Variants in DMD observed in about 807,000 individuals in gnomAD.
DMD encodes the protein dystrophin.
DMD carries 63 observed loss-of-function variants against 330.1 expected under a neutral mutation model. That is an observed-to-expected ratio of 0.19 (90% CI 0.16 to 0.24). The LOEUF (loss-of-function observed/expected upper bound fraction) is 0.24. DMD is among the 10% of genes least tolerant of loss of function. The pLI is 1.00. For missense variants in DMD, 3,344 were observed against 2,684.1 expected (o/e 1.25, Z -5.43); for synonymous variants, 1,223 against 959.8 (o/e 1.27, Z -5.07).
intron 55 of DMD, among the ~76,000 whole-genome samples, chrX:31,618,044 A>C (rs969502920): frequency 9.0e-6 from 1 of 111,031 alleles, no homozygotes; most frequent in African/African-American, 3.3e-5. Context: ...AACACAAAGA[A>C]GGGAACAACA....
intron 18 of DMD, among the ~76,000 whole-genome samples, chrX:32,503,218 A>G (rs1435731): frequency 0.47 from 50,937 of 109,211 alleles, 9,149 homozygotes; most frequent in East Asian, 0.72. Context: ...CTCCATCTCT[A>G]AACAAACAAT....
chrX:31,946,059 G>A (rs1448062447), intron 45 of DMD, among the ~76,000 whole-genome samples: 3 of 111,670 alleles, frequency 2.7e-5, no homozygotes, highest in Admixed American at 9.5e-5. Flanking sequence ...AATATCTATC[G>A]GTCTTTTGAA....
intron 7 of DMD, among the ~76,000 whole-genome samples, chrX:32,774,282 G>C (rs1014263039): frequency 1.8e-5 from 2 of 112,015 alleles, no homozygotes; most frequent in East Asian, 5.6e-4. Context: ...CGGAGGGAAA[G>C]AAACAATTCG....
At chrX:31,679,802 T>A (rs1215742465) in intron 52 of DMD, among the ~76,000 whole-genome samples, 6 of 112,077 alleles carry the variant, frequency 5.4e-5, no homozygotes, top group African/African-American at 1.9e-4. Flanking sequence ...ACATAGAACA[T>A]CAACATATAT....
At chrX:32,465,941 G>A (rs1006437177) in intron 23 of DMD, among the ~76,000 whole-genome samples, 3 of 110,668 alleles carry the variant, frequency 2.7e-5, no homozygotes, top group Admixed American at 9.6e-5. Context: ...TATCTGCCTC[G>A]GTCTCACCTC....
intron 44 of DMD, among the ~76,000 whole-genome samples, chrX:31,998,471 G>A (rs2095604345): frequency 8.9e-6 from 1 of 111,951 alleles, no homozygotes; most frequent in African/African-American, 3.2e-5. Context: ...ATTATCTCAA[G>A]AAAAGCATTA....
At chrX:32,776,325 C>A (rs1204171346) in intron 7 of DMD, among the ~76,000 whole-genome samples, 1 of 108,352 alleles carries the variant, frequency 9.2e-6, no homozygotes, top group Admixed American at 1.0e-4. Flanking sequence ...TTACCCAGTT[C>A]CAAAGTCACT....
chrX:33,318,902 A>G (rs1388233096), intron 1 of DMD, among the ~76,000 whole-genome samples: 2 of 111,590 alleles, frequency 1.8e-5, no homozygotes, highest in African/African-American at 6.5e-5. Flanking sequence ...ATGTTGCTAT[A>G]GTATGAATAT....
chrX:32,433,448 C>G (rs1375249462), intron 29 of DMD, among the ~76,000 whole-genome samples: 1 of 111,883 alleles, frequency 8.9e-6, no homozygotes, highest in Admixed American at 9.5e-5. Flanking sequence ...GAGGCCGAGG[C>G]GGGCGGATAA....
intron 44 of DMD, among the ~76,000 whole-genome samples, chrX:32,122,101 T>C (rs763241314): frequency 5.6e-4 from 62 of 111,436 alleles, no homozygotes; most frequent in Non-Finnish European, 9.6e-4. Context: ...TTAGTTCTGT[T>C]TCCTTCGAAT....
At chrX:32,721,439 G>C (rs894347877) in intron 7 of DMD, among the ~76,000 whole-genome samples, 4 of 108,838 alleles carry the variant, frequency 3.7e-5, no homozygotes, top group African/African-American at 6.7e-5. Context: ...ATTTTGATTT[G>C]CATTTCCCTA....
chrX:31,443,105 A>G (rs1158341974), intron 60 of DMD, among the ~76,000 whole-genome samples: 1 of 111,653 alleles, frequency 9.0e-6, no homozygotes, highest in Non-Finnish European at 1.9e-5. Context: ...TTTTAAACCC[A>G]GTTTCCTCAG....
At chrX:31,593,040 A>C (rs1246676404) in intron 55 of DMD, among the ~76,000 whole-genome samples, 2 of 111,180 alleles carry the variant, frequency 1.8e-5, no homozygotes, top group Non-Finnish European at 3.8e-5. Context: ...ATTTATATCC[A>C]TATTTAGAGC....
chrX:32,560,867 CTT>C (rs2050920125), intron 16 of DMD, among the ~76,000 whole-genome samples: 1 of 111,674 alleles, frequency 9.0e-6, no homozygotes, highest in African/African-American at 3.3e-5. Flanking sequence ...GATTCTATGT[CTT>C]TGCTATTGTG....
intron 19 of DMD, among the ~76,000 whole-genome samples, chrX:32,500,814 T>A (rs2043977318): frequency 9.0e-6 from 1 of 111,680 alleles, no homozygotes; most frequent in African/African-American, 3.2e-5. Context: ...AATGAATTGA[T>A]TTTCTAGGAA....
intron 44 of DMD, among the ~76,000 whole-genome samples, chrX:31,978,694 G>C (rs1360228490): frequency 1.8e-5 from 2 of 111,370 alleles, no homozygotes; most frequent in South Asian, 7.5e-4. Flanking sequence ...TCACAGTGAC[G>C]TCCTGGTCAT....
intron 61 of DMD, among the ~76,000 whole-genome samples, chrX:31,341,623 A>T (rs1451556608): frequency 9.0e-6 from 1 of 111,413 alleles, no homozygotes; most frequent in East Asian, 2.8e-4. Context: ...CAGATAGACT[A>T]GACAGTTATT....
chrX:33,240,418 T>C (rs1029527908), intron 1 of DMD, among the ~76,000 whole-genome samples: 35 of 112,063 alleles, frequency 3.1e-4, no homozygotes, highest in African/African-American at 1.1e-3. Flanking sequence ...ATGAACAGTA[T>C]TCTATTGTGT....
chrX:31,728,013 C>T (rs1368744998), intron 52 of DMD, among the ~76,000 whole-genome samples: 4 of 112,319 alleles, frequency 3.6e-5, no homozygotes, highest in African/African-American at 1.3e-4. Flanking sequence ...TTTACAAATT[C>T]CAAGCTCTGT....
Sources: allele counts gnomAD v4.1 joint callset (sites outside exome capture counted in the v4.1 genomes callset), GRCh38; gene constraint gnomAD v4.1.1; transcripts MANE v1.5; gene names NCBI Gene and HGNC (gene_info 2026-07-23, HGNC 2026-07-21).